Variants in DPH6 observed in about 807,000 individuals in gnomAD.
DPH6 encodes diphthine--ammonia ligase.
In DPH6, 33 loss-of-function variants were observed where a neutral mutation model predicts 38.2. That is an observed-to-expected ratio of 0.86 (90% CI 0.65 to 1.15). The LOEUF (loss-of-function observed/expected upper bound fraction) is 1.15. DPH6 is among the 50% of genes most tolerant of loss of function. The pLI, the probability that DPH6 is intolerant of heterozygous loss-of-function variation, is 0.00. For missense variants in DPH6, 325 were observed against 320.0 expected (o/e 1.02, Z -0.12); for synonymous variants, 108 against 103.0 (o/e 1.05, Z -0.30).
At chr15:35,194,197 CT>C in the DPH6 span, among the ~76,000 whole-genome samples, 1 of 152,076 alleles carries the variant, frequency 6.6e-6, no homozygotes, top group South Asian at 2.1e-4. Flanking sequence ...GGTTCCATAT[CT>C]TTTGTGACCG....
At chr15:35,545,790 T>C (rs1867344) in intron 1 of DPH6, among the ~76,000 whole-genome samples, 151,264 of 152,212 alleles carry the variant, frequency 0.99, 75,170 homozygotes, top group Middle Eastern at 1. Context: ...AGACGCCGGG[T>C]CGCACAGAAG....
chr15:35,172,654 AAC>A, the DPH6 span, among the ~76,000 whole-genome samples: 1 of 152,202 alleles, frequency 6.6e-6, no homozygotes, highest in African/African-American at 2.4e-5. Flanking sequence ...AACTCTCAGA[AAC>A]AGTTTGCTCT....
chr15:35,490,064 A>T (rs1424797289), intron 3 of DPH6: 1 of 985,310 alleles, frequency 1.0e-6, no homozygotes, highest in Non-Finnish European at 1.2e-6. Flanking sequence ...CTATTTGAGC[A>T]ATTATCTTCT....
At chr15:35,510,675 A>T (rs946477413) in intron 3 of DPH6, among the ~76,000 whole-genome samples, 18 of 151,980 alleles carry the variant, frequency 1.2e-4, no homozygotes, top group Non-Finnish European at 2.2e-4. Context: ...CCAGCAGAAA[A>T]TTTTTTCAAC....
In DPH6 at chr15:35,452,012, A is replaced by AAAAC. The variant is rs901760560; in HGVS notation, c.387-1213_387-1210dup. 5.3e-5 allele frequency among the ~76,000 whole-genome samples: 8 copies of AAAAC among 152,178 alleles called. No homozygotes were observed. In the East Asian group the frequency reaches 1.2e-3, roughly 22 times the overall value. ...GCGACAGAGCGAGACTCTGTCTCAA[A>AAAAC]AAACAAACAAACAAAAAAAGAAGAC... On this transcript the variant is annotated intron_variant, in intron 4 of 8. Transcript: ENST00000256538.
At chr15:35,150,355 T>A in the DPH6 span, among the ~76,000 whole-genome samples, 1 of 152,206 alleles carries the variant, frequency 6.6e-6, no homozygotes, top group Non-Finnish European at 1.5e-5. Flanking sequence ...AGAATAATTA[T>A]AGAGAAGTTC....
At chr15:35,335,020 C>T (rs2052358128) in intron 3 of DPH6, among the ~76,000 whole-genome samples, 1 of 152,062 alleles carries the variant, frequency 6.6e-6, no homozygotes, top group African/African-American at 2.4e-5. Context: ...CTCTCACCAA[C>T]AGTGTAAAAG....
intron 3 of DPH6, among the ~76,000 whole-genome samples, chr15:35,315,681 C>T (rs1268593682): frequency 6.6e-6 from 1 of 152,172 alleles, no homozygotes; most frequent in Non-Finnish European, 1.5e-5. Flanking sequence ...AGTAATTCCA[C>T]TACTGGGTAT....
At chr15:35,197,268 G>A in the DPH6 span, among the ~76,000 whole-genome samples, 1 of 152,148 alleles carries the variant, frequency 6.6e-6, no homozygotes, top group South Asian at 2.1e-4. Context: ...CAGCAGTAAA[G>A]GGAAAAAGCA....
At chr15:35,232,676 C>T (rs1219885546) in intron 3 of DPH6, among the ~76,000 whole-genome samples, 1 of 152,136 alleles carries the variant, frequency 6.6e-6, no homozygotes, top group East Asian at 1.9e-4. Context: ...CTATAGGTAA[C>T]TAAAATAAGA....
chr15:35,419,879 C>T (rs1174635315), intron 5 of DPH6, among the ~76,000 whole-genome samples: 3 of 152,110 alleles, frequency 2.0e-5, no homozygotes, highest in Non-Finnish European at 2.9e-5. Context: ...TTGGATAAAA[C>T]TTCCAGACAG....
intron 7 of DPH6, among the ~76,000 whole-genome samples, chr15:35,381,202 G>C (rs1451765530): frequency 1.3e-5 from 2 of 152,108 alleles, no homozygotes; most frequent in Non-Finnish European, 2.9e-5. Context: ...TGTTCTCTTA[G>C]CATATAAAGA....
intron 6 of DPH6, among the ~76,000 whole-genome samples, chr15:35,386,116 T>A (rs367781472): frequency 1.3e-5 from 2 of 152,144 alleles, no homozygotes; most frequent in Non-Finnish European, 2.9e-5. Flanking sequence ...TTTGTCCTTG[T>A]GATAGTTTGC....
At chr15:35,528,788 T>C (rs934334945) in intron 3 of DPH6, among the ~76,000 whole-genome samples, 3 of 152,308 alleles carry the variant, frequency 2.0e-5, no homozygotes, top group East Asian at 3.9e-4. Flanking sequence ...ACAATGCATA[T>C]TGATATTATC....
rs960837960 is a variant in DPH6, at chr15:35,413,061, G to A, written c.506-2165C>T. On this transcript the variant is annotated intron_variant, in intron 5 of 8. Transcript: ENST00000256538. ...ACTCTAGCAGGGGAGGTTGATAATGGGGGAGGTCATGCGGTATGGGGTCAG... is the reference window on the plus strand; with the variant it reads ...ACTCTAGCAGGGGAGGTTGATAATGAGGGAGGTCATGCGGTATGGGGTCAG... 7.3e-5 allele frequency among the ~76,000 whole-genome samples: 11 copies of A among 151,650 alleles called. No individual in the cohort carries two copies. The South Asian group carries it at 1.5e-3, about 20-fold the overall frequency.
At chr15:35,513,090 T>A (rs970858128) in intron 3 of DPH6, among the ~76,000 whole-genome samples, 3 of 151,980 alleles carry the variant, frequency 2.0e-5, no homozygotes, top group Non-Finnish European at 4.4e-5. Context: ...ACTTTAAGTT[T>A]AAAAAAAGCA....
chr15:35,160,332 A>G, the DPH6 span, among the ~76,000 whole-genome samples: 8 of 152,084 alleles, frequency 5.3e-5, no homozygotes, highest in African/African-American at 1.4e-4. Context: ...TTCTCTTTCT[A>G]GCCCACTCCA....
intron 5 of DPH6, among the ~76,000 whole-genome samples, chr15:35,449,890 T>C (rs2053909411): frequency 1.3e-5 from 2 of 152,088 alleles, no homozygotes; most frequent in Admixed American, 1.3e-4. Flanking sequence ...TAAAATCTTC[T>C]ACAGCTTGAG....
chr15:35,190,202 T>C, the DPH6 span, among the ~76,000 whole-genome samples: 1 of 152,202 alleles, frequency 6.6e-6, no homozygotes, highest in Admixed American at 6.5e-5. Context: ...GGGAAGATTA[T>C]GTAACTGTCC....
Sources: gnomAD v4.1 joint callset for allele counts (sites outside exome capture counted in the v4.1 genomes callset) on GRCh38, gnomAD v4.1.1 for gene constraint, MANE v1.5 for transcripts, NCBI Gene and HGNC (gene_info 2026-07-23, HGNC 2026-07-21) for gene names.